CATSPER4: variants seen among roughly 807,000 people sequenced by gnomAD.
CATSPER4 encodes the protein cation channel sperm associated 4.
Under a neutral mutation model 54.4 loss-of-function variants are expected in CATSPER4, and 46 were observed. The observed-to-expected ratio is 0.84, with a 90% CI of 0.67 to 1.08. The LOEUF (loss-of-function observed/expected upper bound fraction) is 1.08, where lower values mean the gene tolerates loss of function less well. CATSPER4 is among the 50% of genes least tolerant of loss of function. The pLI, the probability that CATSPER4 is intolerant of heterozygous loss-of-function variation, is 0.00. For synonymous variants in CATSPER4, 230 were observed against 231.9 expected, an observed-to-expected ratio of 0.99 and a Z score of 0.08; for missense variants, 574 against 612.8, an observed-to-expected ratio of 0.94 and a Z score of 0.67.
intron 7 of CATSPER4, among the ~76,000 whole-genome samples, 160 bp from the exon 8 acceptor site, chr1:26,200,670 T>C (rs889045287): frequency 1.3e-5 from 2 of 151,712 alleles, no homozygotes; most frequent in Non-Finnish European, 2.9e-5. Flanking sequence ...AAAGTTGGGT[T>C]CCCCCAGCAA....
At chr1:26,191,153 T>G in intron 1 of CATSPER4, 134 bp from the exon 2 acceptor site, 2 of 1,039,994 alleles carry the variant, frequency 1.9e-6, no homozygotes, top group African/African-American at 1.6e-5. Flanking sequence ...GATGTCTCCA[T>G]TCCATGATCC....
Position 26,191,240 on chromosome 1 carries a change from C to T in CATSPER4, c.214-47C>T, listed in dbSNP as rs764883192. The T allele has an allele frequency of 1.6e-4, 253 of 1,610,854 alleles. 1 individual carries two copies. The highest frequency in any genetic ancestry group is 2.0e-4 in the Non-Finnish European group (241 of 1,178,666). On this transcript the variant is annotated intron_variant, in intron 1 of 9. Coordinates refer to ENST00000456354, the MANE Select transcript of CATSPER4 (RefSeq NM_198137.2). ...CTAAGAGCAAACCCCCAGGCAGAGG[C>T]TTCCTATGGTGACACCTGCCTGAAG... is the stretch of plus-strand genomic sequence containing the variant.
At chr1:26,193,508 A>T (rs563744640) in intron 2 of CATSPER4, among the ~76,000 whole-genome samples, 1 of 152,338 alleles carries the variant, frequency 6.6e-6, no homozygotes, top group Non-Finnish European at 1.5e-5. Flanking sequence ...CTAGCTGTGC[A>T]CACAGGCGCC....
intron 3 of CATSPER4, among the ~76,000 whole-genome samples, chr1:26,196,453 T>C (rs60401175): frequency 0.011 from 1,422 of 132,448 alleles, 34 homozygotes; most frequent in African/African-American, 0.038. Context: ...CCCCTGTTGC[T>C]CAGGCTGGAG....
chr1:26,194,369 A>G (rs1006836068), intron 3 of CATSPER4, among the ~76,000 whole-genome samples: 5 of 152,082 alleles, frequency 3.3e-5, no homozygotes. Context: ...ATTTCATGTA[A>G]TTTTCATGTG....
rs1341599228 is a variant in CATSPER4 at position 26,201,348 on chromosome 1, C to T, written c.1200-6C>T. ...TTCTGAAAGGCACTCACTGCTCCACCCCCAGGATTGTGGAGGAGGTGCGCG... is the reference window on the plus strand; with the variant it reads ...TTCTGAAAGGCACTCACTGCTCCACTCCCAGGATTGTGGAGGAGGTGCGCG... On this transcript the variant is annotated splice_region_variant and splice_polypyrimidine_tract_variant and intron_variant, in intron 8 of 9. Coordinates refer to ENST00000456354, the MANE Select transcript of CATSPER4 (RefSeq NM_198137.2). 1.9e-6 allele frequency: 3 copies of T among 1,613,622 alleles called. No individual in the cohort carries two copies. The highest frequency in any genetic ancestry group is 2.5e-6 in the Non-Finnish European group (3 of 1,179,932).
rs770480933 is a variant in CATSPER4 at position 26,199,918 on chromosome 1, G to A, written c.847G>A (p.Gly283Ser). The A allele has an allele frequency of 8.7e-6, 14 of 1,614,174 alleles. No individual in the cohort carries two copies. The highest frequency in any genetic ancestry group is 1.1e-5 in the Non-Finnish European group (13 of 1,180,042). The change falls in exon 7 of 10, where the codon GGT (glycine) becomes AGT (serine). Residue 283 changes from glycine (G) to serine (S), a missense_variant. Transcript: ENST00000456354. ...GAGGGAATATGCAATGGAGATTGGG[G>A]GTGCCATCTACTTTACCATCTTCAT... ...EKREYAMEIG[G>S]AIYFTIFITI...
rs2088958269 is a variant in CATSPER4, at chr1:26,197,743, A to T, written c.517A>T (p.Ile173Phe). The T allele has an allele frequency of 3.7e-6, 6 of 1,614,036 alleles. No homozygotes were observed. Among genetic ancestry groups the T allele is most frequent in the Non-Finnish European group, 4.2e-6 (5 of 1,180,000 alleles). The change falls in exon 4 of 10, where the codon ATT becomes TTT. Residue 173 changes from isoleucine (I) to phenylalanine (F), a missense_variant. Physicochemically the swap from Ile to Phe is conservative, Grantham distance 21 (BLOSUM62 0). Transcript: ENST00000456354. The part of the protein sequence containing the change: ...IVFILLLRFF[I>F]NEINIPSINY... ...CTTTATCTTGCTCTTGCGGTTCTTCATTAATGAAATCAATATTCCCTCCAT... is the reference window on the plus strand; with the variant it reads ...CTTTATCTTGCTCTTGCGGTTCTTCTTTAATGAAATCAATATTCCCTCCAT...
In CATSPER4 at chr1:26,202,584, A is replaced by T; in HGVS notation, c.*42A>T. 7.0e-6 allele frequency: 11 copies of T among 1,560,376 alleles called. No individual in the cohort carries two copies. The highest frequency in any genetic ancestry group is 2.3e-5 in the South Asian group (2 of 87,816). ...CCAAGGGGCCTGCACACACACACCC[A>T]GCCGCTGCGTCTTCCTGTGTCCTTA... is the stretch of plus-strand genomic sequence containing the variant. On this transcript the variant is annotated 3_prime_UTR_variant, in exon 10 of 10. Coordinates refer to ENST00000456354, the MANE Select transcript of CATSPER4 (RefSeq NM_198137.2).
intron 3 of CATSPER4, among the ~76,000 whole-genome samples, chr1:26,195,571 G>A (rs1305409392): frequency 1.3e-5 from 2 of 151,578 alleles, no homozygotes; most frequent in African/African-American, 4.9e-5. Flanking sequence ...CGCGATCTCG[G>A]CTCACTGCAA....
intron 2 of CATSPER4, among the ~76,000 whole-genome samples, chr1:26,192,291 T>C (rs559463962): frequency 2.6e-4 from 40 of 151,932 alleles, no homozygotes; most frequent in Non-Finnish European, 5.4e-4. Context: ...CCATGCCTAA[T>C]TAAAAAAATG....
In CATSPER4 at chr1:26,201,437, C is replaced by T; in HGVS notation, c.1283C>T (p.Ser428Leu). 3 of 1,613,954 alleles carry T rather than the reference C, an allele frequency of 1.9e-6. No homozygotes were observed. Among genetic ancestry groups the T allele is most frequent in the South Asian group, 1.1e-5 (1 of 91,058 alleles). Residue 428 changes from serine (S) to leucine (L), a missense_variant, in exon 9 of 10, where the codon TCG becomes TTG. Transcript: ENST00000456354. ...AACAGGCGCTCGTCGACGAGCGGGT[C>T]GTTGGAGACTACGTCATCCAAGGAC... ...VLNRRSSTSG[S>L]LETTSSKDIR...
At chr1:26,194,935 A>G (rs2088913879) in intron 3 of CATSPER4, among the ~76,000 whole-genome samples, 1 of 152,082 alleles carries the variant, frequency 6.6e-6, no homozygotes, top group Non-Finnish European at 1.5e-5. Context: ...AAATACAAAA[A>G]CTAGCTGGGC....
At chr1:26,200,203 T>C in intron 7 of CATSPER4, 145 bp downstream of exon 7, 1 of 881,508 alleles carries the variant, frequency 1.1e-6, no homozygotes, top group Non-Finnish European at 1.7e-6. Flanking sequence ...GCCCCCCATC[T>C]TGAGTGCCCA....
Position 26,199,996 on chromosome 1 carries a change from A to G in CATSPER4, c.925A>G (p.Asn309Asp). 1 of 1,614,082 alleles carries G rather than the reference A, an allele frequency of 6.2e-7. No individual in the cohort carries two copies. The highest frequency in any genetic ancestry group is 1.3e-5 in the African/African-American group (1 of 75,060). Residue 309 changes from asparagine (N) to aspartate (D), a missense_variant, in exon 7 of 10, where the codon AAC becomes GAC. Transcript: ENST00000456354. ...CCTGTTCGTCATCGTGGTGACCACC[A>G]ACCTGGAGCAAATGATGAAGGCAGG... ...INLFVIVVTTNLEQMMKAGEQ... is the reference protein window; with the variant it reads ...INLFVIVVTTDLEQMMKAGEQ...
At chr1:26,202,251 G>A (rs2089016603) in intron 9 of CATSPER4, among the ~76,000 whole-genome samples, 1 of 152,158 alleles carries the variant, frequency 6.6e-6, no homozygotes. Context: ...CTCCTGGAGA[G>A]AAAAAGGCAC....
Position 26,200,890 on chromosome 1 carries a change from C to A in CATSPER4, c.1048C>A (p.Arg350Ser), listed in dbSNP as rs777830092. Residue 350 changes from arginine (R) to serine (S), a missense_variant, in exon 8 of 10, where the codon CGC (arginine) becomes AGC (serine). Coordinates refer to ENST00000456354, the MANE Select transcript of CATSPER4 (RefSeq NM_198137.2). ...GCCACTGGTGCATTGTGTGGTCGCC[C>A]GCTCGGAGAAATCTGGTCTCCTCCA... ...QLPLVHCVVA[R>S]SEKSGLLQEP... 6.2e-7 allele frequency: 1 copy of A among 1,614,116 alleles called. No homozygotes were observed. Among genetic ancestry groups the A allele is most frequent in the Non-Finnish European group, 8.5e-7 (1 of 1,180,018 alleles).
At chr1:26,199,347 G>A (rs915527754) in intron 6 of CATSPER4, among the ~76,000 whole-genome samples, 1 of 151,326 alleles carries the variant, frequency 6.6e-6, no homozygotes, top group African/African-American at 2.4e-5. Context: ...CAGGAGAATC[G>A]CTTGAACCTG....
At position 26,190,607 on chromosome 1, in the gene CATSPER4, G is replaced by C; in HGVS notation, c.-21G>C. ...ACTTGGAGTGAAGATTCTTTGAGGAGAAGGAAGAGACTGAGCAAACATGAG... is the reference window on the plus strand; with the variant it reads ...ACTTGGAGTGAAGATTCTTTGAGGACAAGGAAGAGACTGAGCAAACATGAG... On this transcript the variant is annotated 5_prime_UTR_variant, in exon 1 of 10. Transcript: ENST00000456354. 1 of 1,593,272 alleles carries C rather than the reference G, an allele frequency of 6.3e-7. No individual in the cohort carries two copies. The highest frequency in any genetic ancestry group is 8.5e-7 in the Non-Finnish European group (1 of 1,176,948).
Sources: gnomAD v4.1 joint callset for allele counts (sites outside exome capture counted in the v4.1 genomes callset) on GRCh38, gnomAD v4.1.1 for gene constraint, MANE v1.5 for transcripts, NCBI Gene and HGNC (gene_info 2026-07-23, HGNC 2026-07-21) for gene names.